Variants in PITPNB observed in about 807,000 individuals in gnomAD.
PITPNB encodes phosphatidylinositol transfer protein beta isoform.
PITPNB carries 16 observed loss-of-function variants against 45.9 expected under a neutral mutation model. The observed-to-expected ratio is 0.35, with a 90% CI of 0.24 to 0.53. The LOEUF is 0.53. Among genes scored for constraint, PITPNB ranks in the 20% least tolerant of loss-of-function variants. The pLI is 0.93. For missense variants in PITPNB, 188 were observed against 330.5 expected (o/e 0.57, Z 3.34); for synonymous variants, 112 against 108.9 (o/e 1.03, Z -0.18).
In PITPNB at chr22:27,858,532, G is replaced by A. The variant is rs1404556678; in HGVS notation, c.646-23C>T. 9 of 1,595,166 alleles carry A rather than the reference G, an allele frequency of 5.6e-6. No individual in the cohort carries two copies. The African/African-American group carries it at 1.2e-4, about 21-fold the overall frequency. Reference sequence around the variant, plus strand: ...TTGCTTTTAAAACAACAACAAAAAAGTAGCATAAGATGACAAAAACCTAAG... The same window carrying A: ...TTGCTTTTAAAACAACAACAAAAAAATAGCATAAGATGACAAAAACCTAAG... On this transcript the variant is annotated intron_variant, in intron 9 of 11. Coordinates refer to ENST00000335272, the MANE Select transcript of PITPNB (RefSeq NM_012399.5).
chr22:27,890,870 T>G (rs1395345145), intron 7 of PITPNB, among the ~76,000 whole-genome samples: 1 of 152,162 alleles, frequency 6.6e-6, no homozygotes, highest in African/African-American at 2.4e-5. Context: ...GGTCTATCCA[T>G]ACACTGGAAT....
At position 27,873,732 on chromosome 22, in the gene PITPNB, C is replaced by G; in HGVS notation, c.534+6G>C. 2 of 1,574,118 alleles carry G rather than the reference C, an allele frequency of 1.3e-6. No homozygotes were observed. Among genetic ancestry groups the G allele is most frequent in the Non-Finnish European group, 1.7e-6 (2 of 1,143,652 alleles). On this transcript the variant is annotated splice_donor_region_variant and intron_variant, in intron 8 of 11. Transcript: ENST00000335272. Reference sequence around the variant, plus strand: ...TCTGCCTGTCAGAAAGGTCAGCATCCAGTACCTTCCAGTTGGGTCCCAAAG... The same window carrying G: ...TCTGCCTGTCAGAAAGGTCAGCATCGAGTACCTTCCAGTTGGGTCCCAAAG...
intron 7 of PITPNB, among the ~76,000 whole-genome samples, chr22:27,874,283 C>T (rs796708359): frequency 6.6e-6 from 1 of 152,116 alleles, no homozygotes; most frequent in Non-Finnish European, 1.5e-5. Flanking sequence ...TTCTGCAGCA[C>T]CCCCAACCTC....
At chr22:27,890,928 A>T (rs1238846414) in intron 7 of PITPNB, among the ~76,000 whole-genome samples, 1 of 152,236 alleles carries the variant, frequency 6.6e-6, no homozygotes. Flanking sequence ...CACTACGAAG[A>T]TGAATCTTGT....
intron 7 of PITPNB, among the ~76,000 whole-genome samples, chr22:27,885,068 T>G (rs141328069): frequency 6.6e-6 from 1 of 151,280 alleles, no homozygotes; most frequent in Non-Finnish European, 1.5e-5. Flanking sequence ...CGAAGGTCTC[T>G]CTGATGTTAA....
chr22:27,869,697 G>T (rs1601386646), intron 8 of PITPNB, among the ~76,000 whole-genome samples: 1 of 152,126 alleles, frequency 6.6e-6, no homozygotes, highest in South Asian at 2.1e-4. Context: ...CCCAAGAGAC[G>T]AAAGACAAAA....
chr22:27,901,476 C>T (rs1474132990), intron 3 of PITPNB, among the ~76,000 whole-genome samples: 1 of 152,148 alleles, frequency 6.6e-6, no homozygotes, highest in East Asian at 1.9e-4. Context: ...GATTAATTTA[C>T]CATAAATAAA....
intron 8 of PITPNB, among the ~76,000 whole-genome samples, chr22:27,866,500 G>A (rs1041270073): frequency 1.7e-4 from 26 of 152,152 alleles, no homozygotes; most frequent in Admixed American, 1.2e-3. Flanking sequence ...CTAGTTTCTC[G>A]AATCTGTGAC....
intron 8 of PITPNB, among the ~76,000 whole-genome samples, chr22:27,867,303 A>C (rs1474275976): frequency 6.6e-6 from 1 of 152,184 alleles, no homozygotes; most frequent in Non-Finnish European, 1.5e-5. Flanking sequence ...CCCTGACCCA[A>C]GACACACTGG....
chr22:27,874,224 T>A (rs541236827), intron 7 of PITPNB, among the ~76,000 whole-genome samples: 11 of 152,204 alleles, frequency 7.2e-5, no homozygotes, highest in Non-Finnish European at 1.6e-4. Flanking sequence ...GGACTGTTAA[T>A]GCTGGCCAGA....
chr22:27,862,005 A>G (rs1409210627), intron 8 of PITPNB, among the ~76,000 whole-genome samples: 2 of 152,154 alleles, frequency 1.3e-5, no homozygotes. Flanking sequence ...CACTGAGTCA[A>G]AGGCCAAAGC....
At chr22:27,870,675 G>A (rs543107912) in intron 8 of PITPNB, among the ~76,000 whole-genome samples, 2 of 152,062 alleles carry the variant, frequency 1.3e-5, no homozygotes, top group South Asian at 2.1e-4. Flanking sequence ...AACTATTATC[G>A]TTCCCCAGTG....
chr22:27,889,688 G>C (rs1213112262), intron 7 of PITPNB, among the ~76,000 whole-genome samples: 2 of 152,108 alleles, frequency 1.3e-5, no homozygotes, highest in Admixed American at 1.3e-4. Context: ...CATTGTACTG[G>C]GCTTCTCTTG....
intron 7 of PITPNB, among the ~76,000 whole-genome samples, chr22:27,875,301 C>G (rs1934788702): frequency 6.6e-6 from 1 of 152,244 alleles, no homozygotes; most frequent in Non-Finnish European, 1.5e-5. Flanking sequence ...GTGGCATAGC[C>G]ACAGGCATCA....
At chr22:27,856,713 G>A (rs1159164085) in intron 10 of PITPNB, among the ~76,000 whole-genome samples, 2 of 152,218 alleles carry the variant, frequency 1.3e-5, no homozygotes, top group East Asian at 3.8e-4. Flanking sequence ...GGAAATGCCA[G>A]TGCTGCATCA....
chr22:27,879,331 A>G (rs893096460), intron 7 of PITPNB, among the ~76,000 whole-genome samples: 1 of 152,196 alleles, frequency 6.6e-6, no homozygotes, highest in African/African-American at 2.4e-5. Flanking sequence ...CATATCCTAC[A>G]ACACAGCAAG....
At chr22:27,877,363 T>C (rs560583970) in intron 7 of PITPNB, among the ~76,000 whole-genome samples, 1 of 152,316 alleles carries the variant, frequency 6.6e-6, no homozygotes, top group Admixed American at 6.5e-5. Flanking sequence ...TTAGTGTTAA[T>C]ACAACTCTAT....
intron 1 of PITPNB, among the ~76,000 whole-genome samples, chr22:27,914,816 C>T (rs527738883): frequency 6.6e-6 from 1 of 152,146 alleles, no homozygotes; most frequent in Admixed American, 6.5e-5. Flanking sequence ...ACTGTTCCCC[C>T]ACTATTCAAT....
intron 1 of PITPNB, among the ~76,000 whole-genome samples, chr22:27,918,230 T>C (rs190952466): frequency 1.5e-3 from 225 of 151,662 alleles, no homozygotes; most frequent in Non-Finnish European, 2.5e-3. Context: ...TTAAAGGAGG[T>C]TTAAGAACAC....
Sources: gnomAD v4.1 joint callset for allele counts (sites outside exome capture counted in the v4.1 genomes callset) on GRCh38, gnomAD v4.1.1 for gene constraint, MANE v1.5 for transcripts, NCBI Gene and HGNC (gene_info 2026-07-23, HGNC 2026-07-21) for gene names.